HSPA12A: variants seen among roughly 807,000 people sequenced by gnomAD.
The protein encoded by HSPA12A is heat shock 70 kDa protein 12A.
Under a neutral mutation model 69.2 loss-of-function variants are expected in HSPA12A, and 28 were observed. That is an observed-to-expected ratio of 0.40 (90% CI 0.30 to 0.55). The LOEUF (loss-of-function observed/expected upper bound fraction) is 0.55, where lower values mean the gene tolerates loss of function less well. HSPA12A is among the 20% of genes least tolerant of loss of function. The probability of loss-of-function intolerance (pLI) is 0.38; values close to 1 mark genes in which losing one functional copy is unlikely to be tolerated. For synonymous variants in HSPA12A, 345 were observed against 370.5 expected, an observed-to-expected ratio of 0.93 and a Z score of 0.79; for missense variants, 686 against 900.7, an observed-to-expected ratio of 0.76 and a Z score of 3.05.
At chr10:116,738,457 G>C (rs1229368824) in intron 1 of HSPA12A, among the ~76,000 whole-genome samples, 3 of 152,206 alleles carry the variant, frequency 2.0e-5, no homozygotes, top group Non-Finnish European at 4.4e-5. Context: ...CAAGATTTTA[G>C]GCTCCATGGC....
Position 116,800,241 on chromosome 10 carries a change from T to C in HSPA12A, c.91+34694A>G, listed in dbSNP as rs779517814. 2.8e-4 allele frequency among the ~76,000 whole-genome samples: 43 copies of C among 152,186 alleles called. 1 individual carries two copies. The highest frequency in any genetic ancestry group is 5.3e-4 in the Non-Finnish European group (36 of 67,988). ...GCACCAAGTTGGCCTTAGTGAGAAA[T>C]AAAAGCCTTCTGTGGTGGCCCCAGC... On this transcript the variant is annotated intron_variant, in intron 2 of 12. Transcript: ENST00000635765.
chr10:116,771,089 C>T (rs1306124913), intron 2 of HSPA12A, among the ~76,000 whole-genome samples: 3 of 151,996 alleles, frequency 2.0e-5, no homozygotes, highest in Non-Finnish European at 4.4e-5. Flanking sequence ...AGTTTGCAAA[C>T]CCTGGACTGT....
chr10:116,849,605 T>C (rs1589742216), exon 1 of HSPA12A: 3 of 1,549,498 alleles, frequency 1.9e-6, no homozygotes, highest in African/African-American at 1.4e-5. Context: ...GTGGGACCAC[T>C]AGGGAGCTGC....
At chr10:116,774,032 C>T (rs1407471835) in intron 2 of HSPA12A, among the ~76,000 whole-genome samples, 12 of 150,168 alleles carry the variant, frequency 8.0e-5, no homozygotes, top group African/African-American at 2.0e-4. Context: ...TTTTTTGAGA[C>T]GGAGTCTCGC....
At chr10:116,741,076 G>A (rs1381956288) in intron 1 of HSPA12A, among the ~76,000 whole-genome samples, 1 of 152,076 alleles carries the variant, frequency 6.6e-6, no homozygotes, top group African/African-American at 2.4e-5. Flanking sequence ...GTACAGGCGG[G>A]GACTGGGTGT....
In HSPA12A at chr10:116,747,588, G is replaced by A. The variant is rs372258228; in HGVS notation, c.92-40303C>T. Among the ~76,000 whole-genome samples the A allele has an allele frequency of 2.1e-4, 32 of 152,332 alleles. No homozygotes were observed. In the East Asian group the frequency reaches 3.3e-3, roughly 16 times the overall value. The stretch of plus-strand genomic sequence containing the variant: ...ACTCACCAGACACTATGAGAGCCAA[G>A]GGTTTCATGTTATGGAGAAAAACAA... On this transcript the variant is annotated intron_variant, in intron 2 of 12. Transcript: ENST00000635765.
rs1214596914 is a variant in HSPA12A at position 116,823,951 on chromosome 10, CA to C, written c.91+10983del. Among the ~76,000 whole-genome samples the C allele has an allele frequency of 3.3e-5, 5 of 151,958 alleles. No individual in the cohort carries two copies. In the East Asian group the frequency reaches 5.8e-4, roughly 18 times the overall value. On this transcript the variant is annotated intron_variant, in intron 2 of 12. Transcript: ENST00000635765. Reference sequence around the variant, plus strand: ...ACCTTCATGCTTTGAAGGACATCATCAAGAAGGTGAAAAGGCAACACACAGA... The same window carrying C: ...ACCTTCATGCTTTGAAGGACATCATCAGAAGGTGAAAAGGCAACACACAGA...
intron 8 of HSPA12A, 62 bp downstream of exon 8, chr10:116,681,729 A>G: frequency 6.9e-7 from 1 of 1,455,980 alleles, no homozygotes; most frequent in East Asian, 2.3e-5. Context: ...ACAAATGGGA[A>G]TGGCTTTTCA....
intron 2 of HSPA12A, among the ~76,000 whole-genome samples, chr10:116,779,872 C>A (rs1554891594): frequency 6.6e-6 from 1 of 152,058 alleles, no homozygotes. Flanking sequence ...CGTCCCCGCA[C>A]CCCGACTCCA....
chr10:116,735,843 A>G (rs540946958), intron 1 of HSPA12A, among the ~76,000 whole-genome samples: 1 of 151,886 alleles, frequency 6.6e-6, no homozygotes, highest in Non-Finnish European at 1.5e-5. Flanking sequence ...TTTAAAAAAA[A>G]AAAAAAAGCC....
chr10:116,800,532 A>G (rs1320114451), intron 2 of HSPA12A, among the ~76,000 whole-genome samples: 3 of 152,216 alleles, frequency 2.0e-5, no homozygotes, highest in African/African-American at 7.2e-5. Context: ...AGAGGGAGCC[A>G]GGAGCTACCC....
chr10:116,780,978 A>T (rs1271160835), intron 2 of HSPA12A, among the ~76,000 whole-genome samples: 1 of 152,140 alleles, frequency 6.6e-6, no homozygotes, highest in Non-Finnish European at 1.5e-5. Context: ...TCCTAGCCCC[A>T]TCCTGGCTGG....
At chr10:116,775,000 T>TC (rs1844303998) in intron 2 of HSPA12A, among the ~76,000 whole-genome samples, 1 of 145,142 alleles carries the variant, frequency 6.9e-6, no homozygotes, top group Non-Finnish European at 1.5e-5. Flanking sequence ...CTGTGCTGCT[T>TC]TGGGGGACTC....
chr10:116,720,557 C>T (rs898635073), intron 1 of HSPA12A, among the ~76,000 whole-genome samples: 3 of 152,242 alleles, frequency 2.0e-5, no homozygotes, highest in African/African-American at 7.2e-5. Context: ...TGCCATCCTG[C>T]TGGGGTGCTG....
chr10:116,810,895 G>A (rs1157017889), intron 2 of HSPA12A, among the ~76,000 whole-genome samples: 3 of 152,024 alleles, frequency 2.0e-5, no homozygotes, highest in Non-Finnish European at 2.9e-5. Flanking sequence ...GCAACACCAT[G>A]CTAGGGATTT....
At chr10:116,763,405 C>A (rs1257799680) in intron 2 of HSPA12A, among the ~76,000 whole-genome samples, 4 of 152,216 alleles carry the variant, frequency 2.6e-5, no homozygotes, top group Non-Finnish European at 4.4e-5. Context: ...AAAGAAAAAT[C>A]TCTTGTGAAA....
intron 1 of HSPA12A, among the ~76,000 whole-genome samples, chr10:116,720,187 CT>C (rs1309414902): frequency 5.9e-5 from 9 of 152,208 alleles, no homozygotes; most frequent in Non-Finnish European, 1.0e-4. Flanking sequence ...AGAAGTGCCC[CT>C]GTCCCCCTGC....
intron 1 of HSPA12A, among the ~76,000 whole-genome samples, chr10:116,727,650 T>C (rs1665649): frequency 0.67 from 101,481 of 152,040 alleles, 34,817 homozygotes; most frequent in Middle Eastern, 0.86. Context: ...CCATTTGTTT[T>C]TTTACTTTCA....
chr10:116,759,109 C>G (rs1248279384), intron 2 of HSPA12A, among the ~76,000 whole-genome samples: 1 of 152,264 alleles, frequency 6.6e-6, no homozygotes, highest in Non-Finnish European at 1.5e-5. Flanking sequence ...TAGCTGTTTT[C>G]TCTTTGGTCT....
Sources: allele counts gnomAD v4.1 joint callset (sites outside exome capture counted in the v4.1 genomes callset), GRCh38; gene constraint gnomAD v4.1.1; transcripts MANE v1.5; gene names NCBI Gene and HGNC (gene_info 2026-07-23, HGNC 2026-07-21).